The following MAF variants were observed in gnomAD, a reference collection of about 807,000 sequenced individuals.
MAF encodes the protein transcription factor Maf.
MAF carries 10 observed loss-of-function variants against 22.0 expected under a neutral mutation model. The observed-to-expected ratio is 0.45, with a 90% CI of 0.28 to 0.77. The LOEUF (loss-of-function observed/expected upper bound fraction) is 0.77, where lower values mean the gene tolerates loss of function less well. Ranked by LOEUF, MAF falls within the 30% of genes least tolerant of loss-of-function variation. The pLI is 0.12. For missense variants in MAF, 544 were observed against 548.4 expected (o/e 0.99, Z 0.08); for synonymous variants, 337 against 255.8 (o/e 1.32, Z -3.03).
At chr16:79,477,095 G>A in the MAF span, among the ~76,000 whole-genome samples, 2 of 152,164 alleles carry the variant, frequency 1.3e-5, no homozygotes, top group Non-Finnish European at 2.9e-5. Context: ...GGGGAACAAG[G>A]ATGCTAGCAA....
At chr16:79,588,613 C>T (rs1034118960) in intron 1 of MAF, among the ~76,000 whole-genome samples, 1 of 151,890 alleles carries the variant, frequency 6.6e-6, no homozygotes, top group African/African-American at 2.4e-5. Context: ...AGGCACGTGC[C>T]CCCACGTCCT....
chr16:79,553,759 G>C, the MAF span, among the ~76,000 whole-genome samples: 1 of 152,202 alleles, frequency 6.6e-6, no homozygotes, highest in African/African-American at 2.4e-5. Flanking sequence ...CCAGGGAGTA[G>C]ATAGTCATTT....
At chr16:79,576,006 T>A in the MAF span, among the ~76,000 whole-genome samples, 9 of 151,918 alleles carry the variant, frequency 5.9e-5, no homozygotes, top group African/African-American at 2.2e-4. Flanking sequence ...ACAGTAAAGG[T>A]ACTCATGAGC....
the MAF span, among the ~76,000 whole-genome samples, chr16:79,563,544 C>T: frequency 6.6e-6 from 1 of 150,566 alleles, no homozygotes; most frequent in Non-Finnish European, 1.5e-5. Flanking sequence ...CTCAGTAATA[C>T]ATTTTTTATA....
chr16:79,277,801 A>T, the MAF span, among the ~76,000 whole-genome samples: 1 of 152,166 alleles, frequency 6.6e-6, no homozygotes, highest in African/African-American at 2.4e-5. Context: ...ACAATTGCCC[A>T]AGCCAATAAT....
chr16:79,358,761 C>T, the MAF span, among the ~76,000 whole-genome samples: 1 of 152,318 alleles, frequency 6.6e-6, no homozygotes, highest in Middle Eastern at 3.4e-3. Context: ...ACAAGTATGC[C>T]TCTCCAATGT....
the MAF span, among the ~76,000 whole-genome samples, chr16:79,350,902 T>C: frequency 4.9e-4 from 72 of 147,946 alleles, no homozygotes; most frequent in East Asian, 2.6e-3. Context: ...TGTGTGTGTG[T>C]GCGTGTGAAT....
the MAF span, among the ~76,000 whole-genome samples, chr16:79,388,477 G>T: frequency 1.3e-5 from 2 of 152,136 alleles, no homozygotes; most frequent in African/African-American, 4.8e-5. Flanking sequence ...AATATGCGGA[G>T]GTCATTCTTT....
chr16:79,595,125 A>C (rs963731905), intron 1 of MAF: 31 of 172,590 alleles, frequency 1.8e-4, no homozygotes, highest in Non-Finnish European at 2.3e-4. Context: ...TGTGATGAGG[A>C]AAAAAAAAAA....
the MAF span, among the ~76,000 whole-genome samples, chr16:79,447,905 A>AAAAAAAAAAAAAAAAAAAAAAAAAG: frequency 2.0e-4 from 17 of 85,702 alleles, no homozygotes; most frequent in East Asian, 4.7e-4. Context: ...AAAAAAAAAA[A>AAAAAAAAAAAAAAAAAAAAAAAAAG]AAAAGAAAAG....
chr16:79,550,692 G>A, the MAF span, among the ~76,000 whole-genome samples: 1 of 152,160 alleles, frequency 6.6e-6, no homozygotes, highest in Admixed American at 6.5e-5. Flanking sequence ...GCCTGTTATT[G>A]CTGGGTAGAA....
intron 1 of MAF, chr16:79,595,619 G>C (rs774969848): frequency 4.1e-5 from 43 of 1,058,386 alleles, no homozygotes; most frequent in Non-Finnish European, 4.1e-5. Context: ...TACTAGTGAA[G>C]GTAGTTTTGA....
the MAF span, among the ~76,000 whole-genome samples, chr16:79,209,145 G>T: frequency 6.6e-6 from 1 of 152,166 alleles, no homozygotes; most frequent in Non-Finnish European, 1.5e-5. Context: ...TAAAAAGTTA[G>T]GCTTTTCAAA....
At chr16:79,260,331 T>C in the MAF span, among the ~76,000 whole-genome samples, 5 of 152,036 alleles carry the variant, frequency 3.3e-5, no homozygotes, top group Admixed American at 1.3e-4. Context: ...TTGAATTTTT[T>C]TGTAGAGATG....
At chr16:79,280,334 C>T in the MAF span, among the ~76,000 whole-genome samples, 1 of 152,198 alleles carries the variant, frequency 6.6e-6, no homozygotes, top group African/African-American at 2.4e-5. Context: ...AAGAGTCCAG[C>T]TGCAGTCTAA....
chr16:79,388,728 C>A, the MAF span, among the ~76,000 whole-genome samples: 1 of 152,170 alleles, frequency 6.6e-6, no homozygotes, highest in Non-Finnish European at 1.5e-5. Context: ...TTTAGACTAT[C>A]TCCAAGAAAA....
chr16:79,554,967 C>G, the MAF span, among the ~76,000 whole-genome samples: 97 of 152,288 alleles, frequency 6.4e-4, no homozygotes, highest in African/African-American at 2.3e-3. Context: ...TCTGAGCCTA[C>G]AGCCCAGAAA....
chr16:79,298,128 C>A, the MAF span, among the ~76,000 whole-genome samples: 2 of 152,250 alleles, frequency 1.3e-5, no homozygotes, highest in East Asian at 3.9e-4. Context: ...AGGCAGCACA[C>A]TGATGAAGCC....
chr16:79,479,231 CCCAGCCTA>C, the MAF span, among the ~76,000 whole-genome samples: 7 of 152,328 alleles, frequency 4.6e-5, no homozygotes, highest in African/African-American at 1.7e-4. Flanking sequence ...CATGCACAAC[CCCAGCCTA>C]CCTGTGTCAT....
Sources: allele counts gnomAD v4.1 joint callset (sites outside exome capture counted in the v4.1 genomes callset), GRCh38; gene constraint gnomAD v4.1.1; transcripts MANE v1.5; gene names NCBI Gene and HGNC (gene_info 2026-07-23, HGNC 2026-07-21).